The following DMD variants were observed in gnomAD, a reference collection of about 807,000 sequenced individuals.
DMD encodes the protein dystrophin, also known as mutant dystrophin.
A neutral mutation model predicts 330.1 loss-of-function variants in DMD; 63 were observed. The observed-to-expected ratio is 0.19, with a 90% CI of 0.16 to 0.24. The LOEUF (loss-of-function observed/expected upper bound fraction) is 0.24, where lower values mean the gene tolerates loss of function less well. Ranked by LOEUF, DMD falls within the 10% of genes least tolerant of loss-of-function variation. The pLI is 1.00. For synonymous variants in DMD, 1,223 were observed against 959.8 expected (o/e 1.27, Z -5.07); for missense variants, 3,344 against 2,684.1 (o/e 1.25, Z -5.43).
rs183741811 is a variant in DMD at position 32,659,408 on chromosome X, C to G, written c.961-14256G>C. Reference sequence around the variant, plus strand: ...ACTAATGGGTAGCTTCCTGTCTCTACTTCTTGGGCATCTATAGTGCTTCTG... The same window carrying G: ...ACTAATGGGTAGCTTCCTGTCTCTAGTTCTTGGGCATCTATAGTGCTTCTG... On this transcript the variant is annotated intron_variant, in intron 9 of 78. Transcript: ENST00000357033. 4.0e-4 allele frequency among the ~76,000 whole-genome samples: 45 copies of G among 111,409 alleles called. No individual in the cohort carries two copies. The Admixed American group carries it at 4.2e-3, about 10-fold the overall frequency.
At chrX:32,654,425 T>C (rs187231662) in intron 9 of DMD, among the ~76,000 whole-genome samples, 22 of 112,078 alleles carry the variant, frequency 2.0e-4, no homozygotes, top group Admixed American at 1.3e-3. Context: ...TTTCTATCTT[T>C]GGTTCTGTTT....
intron 44 of DMD, among the ~76,000 whole-genome samples, chrX:32,138,341 C>A (rs958093318): frequency 9.0e-6 from 1 of 111,128 alleles, no homozygotes; most frequent in Non-Finnish European, 1.9e-5. Flanking sequence ...TACATTGAAA[C>A]AACTCACTTA....
chrX:32,667,881 T>G (rs758853083), intron 9 of DMD, among the ~76,000 whole-genome samples: 1 of 109,432 alleles, frequency 9.1e-6, no homozygotes, highest in African/African-American at 3.3e-5. Flanking sequence ...GGCTCATGCC[T>G]GTAATCCCAG....
chrX:31,250,477 T>C (rs2049237838), intron 63 of DMD, among the ~76,000 whole-genome samples: 1 of 112,130 alleles, frequency 8.9e-6, no homozygotes, highest in South Asian at 3.7e-4. Flanking sequence ...GTTTGGTTAA[T>C]TATCCTCCCC....
At chrX:32,045,588 G>C (rs60622820) in intron 44 of DMD, among the ~76,000 whole-genome samples, 14,037 of 109,876 alleles carry the variant, frequency 0.13, 733 homozygotes, top group East Asian at 0.24. Flanking sequence ...TGCTAACACA[G>C]ACCCACCCTC....
intron 55 of DMD, among the ~76,000 whole-genome samples, chrX:31,578,771 CT>C (rs1161345438): frequency 8.9e-6 from 1 of 112,239 alleles, no homozygotes; most frequent in African/African-American, 3.2e-5. Context: ...ATAAATAAAT[CT>C]GTGCAATGCG....
chrX:33,319,395 G>A (rs1230910582), intron 1 of DMD, among the ~76,000 whole-genome samples: 1 of 111,152 alleles, frequency 9.0e-6, no homozygotes. Context: ...TAAGTATAAT[G>A]TATTTAGAAA....
chrX:31,360,249 AATTGT>A (rs749293049), intron 60 of DMD, among the ~76,000 whole-genome samples: 2 of 111,779 alleles, frequency 1.8e-5, no homozygotes, highest in African/African-American at 6.5e-5. Flanking sequence ...ATTATTTTAA[AATTGT>A]ATTTCTTTCA....
Position 32,454,826 on chromosome X carries a change from C to T in DMD, c.3439G>A (p.Ala1147Thr). The T allele has an allele frequency of 1.7e-6, 2 of 1,206,486 alleles. No individual in the cohort carries two copies. The highest frequency in any genetic ancestry group is 2.2e-6 in the Non-Finnish European group (2 of 892,780). ...CCTCCCTTCAAGGCCTCCTTTCTGG[C>T]ATAGACCTTCCACAAAACAAACAAA... ...QWDHMCQQVY[A>T]RKEALKGGLE... Residue 1147 changes from alanine to threonine, a missense_variant, in exon 26 of 79, where the codon GCC becomes ACC. Physicochemically the swap from Ala to Thr is moderately conservative, Grantham distance 58. Transcript: ENST00000357033.
At chrX:31,870,861 G>T (rs1603507303) in intron 48 of DMD, among the ~76,000 whole-genome samples, 1 of 111,567 alleles carries the variant, frequency 9.0e-6, no homozygotes, top group African/African-American at 3.3e-5. Context: ...TGATTAAGAT[G>T]AAAGTATTTC....
At chrX:31,482,947 C>A (rs779041727) in intron 57 of DMD, among the ~76,000 whole-genome samples, 2 of 108,454 alleles carry the variant, frequency 1.8e-5, no homozygotes, top group South Asian at 8.1e-4. Context: ...CTCAGGAAAA[C>A]GAGGAAAGTT....
At chrX:31,671,308 G>A (rs1453546557) in intron 53 of DMD, among the ~76,000 whole-genome samples, 2 of 112,314 alleles carry the variant, frequency 1.8e-5, no homozygotes, top group African/African-American at 3.2e-5. Flanking sequence ...TTATTGTGAT[G>A]ACCATACGAT....
chrX:32,632,317 T>A (rs1417670098), intron 11 of DMD, among the ~76,000 whole-genome samples: 1 of 111,893 alleles, frequency 8.9e-6, no homozygotes, highest in African/African-American at 3.3e-5. Flanking sequence ...GGGTTCAGCT[T>A]CCAAAGCTGC....
chrX:31,662,310 A>G (rs2081175326), intron 53 of DMD, among the ~76,000 whole-genome samples: 1 of 111,705 alleles, frequency 9.0e-6, no homozygotes, highest in Non-Finnish European at 1.9e-5. Context: ...CATCATCATC[A>G]TCATTACTAC....
chrX:32,981,014 C>T (rs1201373327), intron 2 of DMD, among the ~76,000 whole-genome samples: 1 of 111,382 alleles, frequency 9.0e-6, no homozygotes, highest in East Asian at 2.8e-4. Context: ...CTACTCAATT[C>T]CTCCTCCAAA....
intron 42 of DMD, among the ~76,000 whole-genome samples, chrX:32,309,385 C>T (rs1010218063): frequency 1.8e-5 from 2 of 110,972 alleles, no homozygotes; most frequent in Admixed American, 9.6e-5. Context: ...GTAAAATGTA[C>T]GATCATGAAA....
Position 32,312,942 on chromosome X carries a change from C to CAAAAAAAAAAAAAAAA in DMD, c.5923-2682_5923-2667dup, listed in dbSNP as rs767993498. On this transcript the variant is annotated intron_variant, in intron 41 of 78. Coordinates refer to ENST00000357033, the MANE Select transcript of DMD (RefSeq NM_004006.3). ...ATTGAGGCAGTAATAGCCTACGAACCAAAAAAAAAAAAAAAAAAAAAAGCC... is the reference window on the plus strand; with the variant it reads ...ATTGAGGCAGTAATAGCCTACGAACCAAAAAAAAAAAAAAAAAAAAAAAAAAAAAAAAAAAAAAGCC... 9.8e-4 allele frequency among the ~76,000 whole-genome samples: 20 copies of CAAAAAAAAAAAAAAAA among 20,396 alleles called. 3 individuals are homozygous for CAAAAAAAAAAAAAAAA. The highest frequency in any genetic ancestry group is 8.1e-4 in the African/African-American group (6 of 7,366). The allele number at this position is 20,396 out of a possible 115,157, so 17.7% of individuals were successfully genotyped here.
At chrX:31,626,292 C>G (rs1296976053) in intron 55 of DMD, among the ~76,000 whole-genome samples, 1 of 111,310 alleles carries the variant, frequency 9.0e-6, no homozygotes, top group Non-Finnish European at 1.9e-5. Context: ...GCCGGGAAAC[C>G]CACATATCTA....
intron 44 of DMD, among the ~76,000 whole-genome samples, chrX:32,079,260 C>G (rs1012022051): frequency 3.6e-5 from 4 of 112,011 alleles, no homozygotes; most frequent in African/African-American, 1.3e-4. Context: ...CTGGCCCCTT[C>G]TTGTCATTCA....
Sources: allele counts gnomAD v4.1 joint callset (sites outside exome capture counted in the v4.1 genomes callset), GRCh38; gene constraint gnomAD v4.1.1; transcripts MANE v1.5; gene names NCBI Gene and HGNC (gene_info 2026-07-23, HGNC 2026-07-21).